The following LSAMP variants were observed in gnomAD, a reference collection of about 807,000 sequenced individuals.
The protein encoded by LSAMP is limbic system associated membrane protein.
LSAMP carries 7 observed loss-of-function variants against 38.6 expected under a neutral mutation model. The ratio of observed to expected loss-of-function variants is 0.18; its 90% CI spans 0.10 to 0.34. The LOEUF is 0.34. Ranked by LOEUF, LSAMP falls within the 10% of genes least tolerant of loss-of-function variation. The pLI is 1.00. For synonymous variants in LSAMP, 154 were observed against 166.8 expected (o/e 0.92, Z 0.59); for missense variants, 313 against 420.0 (o/e 0.75, Z 2.23).
At chr3:116,274,693 T>C (rs2107674670) in intron 1 of LSAMP, among the ~76,000 whole-genome samples, 1 of 152,200 alleles carries the variant, frequency 6.6e-6, no homozygotes, top group South Asian at 2.1e-4. Flanking sequence ...TAAGGTGTTT[T>C]ACTTCCTTGG....
chr3:115,819,325 C>T lies in LSAMP; in HGVS notation c.920-8911G>A, dbSNP rs190317295. Among the ~76,000 whole-genome samples the T allele has an allele frequency of 8.6e-5, 13 of 151,968 alleles. No individual in the cohort carries two copies. The East Asian group carries it at 2.5e-3, about 30-fold the overall frequency. ...TGGTACGTGTCTGTAATCTCAGCTACTTGGGAGGCGGAGGCAGGAGAATCG... is the reference window on the plus strand; with the variant it reads ...TGGTACGTGTCTGTAATCTCAGCTATTTGGGAGGCGGAGGCAGGAGAATCG... On this transcript the variant is annotated intron_variant, in intron 6 of 6. Transcript: ENST00000490035.
intron 3 of LSAMP, among the ~76,000 whole-genome samples, chr3:115,993,761 T>A (rs1225609591): frequency 6.6e-6 from 1 of 152,048 alleles, no homozygotes; most frequent in Non-Finnish European, 1.5e-5. Flanking sequence ...ATGATCAAGT[T>A]TTCCCCATCT....
At chr3:115,943,484 G>T (rs923104373) in intron 3 of LSAMP, among the ~76,000 whole-genome samples, 1 of 152,124 alleles carries the variant, frequency 6.6e-6, no homozygotes, top group Non-Finnish European at 1.5e-5. Flanking sequence ...TTACTGCTCT[G>T]CTCCTATAGT....
intron 1 of LSAMP, among the ~76,000 whole-genome samples, chr3:116,215,435 T>TC (rs2046208074): frequency 6.6e-6 from 1 of 150,418 alleles, no homozygotes; most frequent in African/African-American, 2.4e-5. Context: ...CTTAGGACCT[T>TC]TTTTTTTTGG....
At chr3:115,928,803 G>C (rs1285275236) in intron 3 of LSAMP, among the ~76,000 whole-genome samples, 4 of 152,076 alleles carry the variant, frequency 2.6e-5, no homozygotes, top group African/African-American at 9.7e-5. Context: ...CCAGGTCACA[G>C]GCCAGTGAAA....
At chr3:115,827,867 A>G (rs1934476347) in intron 6 of LSAMP, among the ~76,000 whole-genome samples, 1 of 152,206 alleles carries the variant, frequency 6.6e-6, no homozygotes, top group Non-Finnish European at 1.5e-5. Context: ...TCTTCACAGC[A>G]GTATACAAGG....
intron 3 of LSAMP, among the ~76,000 whole-genome samples, chr3:115,982,651 C>G (rs78347392): frequency 0.014 from 2,067 of 152,130 alleles, 30 homozygotes; most frequent in African/African-American, 0.034. Flanking sequence ...TACATTCTCT[C>G]TCTTTTCTTT....
chr3:116,203,643 T>C lies in LSAMP; in HGVS notation c.156-117087A>G, dbSNP rs1559781347. ...CAATTCCCACCTATGAGTGAGAATA[T>C]GCGGTGTTTGGTTTTTTTGTTCTTG... On this transcript the variant is annotated intron_variant, in intron 1 of 6. Coordinates refer to ENST00000490035, the MANE Select transcript of LSAMP (RefSeq NM_002338.5). Among the ~76,000 whole-genome samples, 7 of 148,764 alleles carry C rather than the reference T, an allele frequency of 4.7e-5. No individual in the cohort carries two copies. In the South Asian group the frequency reaches 1.1e-3, roughly 23 times the overall value.
intron 1 of LSAMP, among the ~76,000 whole-genome samples, chr3:116,343,499 C>A (rs2048023893): frequency 6.6e-6 from 1 of 152,028 alleles, no homozygotes; most frequent in African/African-American, 2.4e-5. Flanking sequence ...AATACAAGTG[C>A]TTTAATGGAA....
chr3:116,307,656 C>T (rs1050826668), intron 1 of LSAMP, among the ~76,000 whole-genome samples: 1 of 151,664 alleles, frequency 6.6e-6, no homozygotes, highest in Non-Finnish European at 1.5e-5. Context: ...ACTTAATGTC[C>T]AACAATAAAG....
chr3:116,368,136 T>C (rs1179651016), intron 1 of LSAMP: 11 of 152,210 alleles, frequency 7.2e-5, no homozygotes, highest in Non-Finnish European at 1.6e-4. Flanking sequence ...TTTCATGTAA[T>C]TAATAGCGTG....
chr3:116,089,798 T>A (rs1316342694), intron 1 of LSAMP, among the ~76,000 whole-genome samples: 5 of 151,704 alleles, frequency 3.3e-5, no homozygotes, highest in East Asian at 1.9e-4. Flanking sequence ...GGAAAAAAAA[T>A]AAATAAATAA....
chr3:115,964,945 T>G (rs1938749383), intron 3 of LSAMP, among the ~76,000 whole-genome samples: 1 of 152,156 alleles, frequency 6.6e-6, no homozygotes, highest in African/African-American at 2.4e-5. Flanking sequence ...CTAATATTAT[T>G]AAGATATCAG....
At chr3:115,839,784 C>G (rs1481898709) in intron 6 of LSAMP, among the ~76,000 whole-genome samples, 1 of 152,170 alleles carries the variant, frequency 6.6e-6, no homozygotes, top group Non-Finnish European at 1.5e-5. Flanking sequence ...CCACACAATC[C>G]TCAAATGTAT....
chr3:116,418,164 C>T (rs1298999504), intron 1 of LSAMP, among the ~76,000 whole-genome samples: 3 of 152,080 alleles, frequency 2.0e-5, no homozygotes, highest in Non-Finnish European at 4.4e-5. Flanking sequence ...TATTTTTATG[C>T]CATTTATGTT....
chr3:115,871,581 TAGTGTG>T (rs1182110589), intron 3 of LSAMP, among the ~76,000 whole-genome samples: 1 of 128,874 alleles, frequency 7.8e-6, no homozygotes, highest in Non-Finnish European at 1.6e-5. Context: ...AACCAACGTG[TAGTGTG>T]TGTGTGTGTG....
At chr3:115,821,948 C>T (rs1015941299) in intron 6 of LSAMP, among the ~76,000 whole-genome samples, 4 of 152,046 alleles carry the variant, frequency 2.6e-5, no homozygotes, top group African/African-American at 9.7e-5. Flanking sequence ...AAAATAAAAC[C>T]TTTATAATTA....
chr3:116,065,465 G>A (rs1320413811), intron 2 of LSAMP, among the ~76,000 whole-genome samples: 4 of 152,134 alleles, frequency 2.6e-5, no homozygotes, highest in African/African-American at 9.7e-5. Context: ...CCAGTGATCT[G>A]TACTGTACTA....
intron 4 of LSAMP, among the ~76,000 whole-genome samples, chr3:115,848,919 GTTTGTA>G (rs1935244680): frequency 6.6e-6 from 1 of 152,116 alleles, no homozygotes; most frequent in South Asian, 2.1e-4. Context: ...AAAATTAACA[GTTTGTA>G]TTTGTTAAAC....
Sources: allele counts gnomAD v4.1 joint callset (sites outside exome capture counted in the v4.1 genomes callset), GRCh38; gene constraint gnomAD v4.1.1; transcripts MANE v1.5; gene names NCBI Gene and HGNC (gene_info 2026-07-23, HGNC 2026-07-21).